The following LRRC28 variants were observed in gnomAD, a reference collection of about 807,000 sequenced individuals.
The protein encoded by LRRC28 is leucine rich repeat containing 28.
In LRRC28, 39 loss-of-function variants were observed where a neutral mutation model predicts 45.7. That is an observed-to-expected ratio of 0.85 (90% CI 0.66 to 1.12). LRRC28 has a LOEUF of 1.12. Ranked by LOEUF, LRRC28 falls within the 50% of genes most tolerant of loss-of-function variation. LRRC28 has a pLI of 0.00. For synonymous variants in LRRC28, 206 were observed against 178.8 expected, an observed-to-expected ratio of 1.15 and a Z score of -1.22; for missense variants, 435 against 438.5, an observed-to-expected ratio of 0.99 and a Z score of 0.07.
chr15:99,323,268 T>G (rs1350736071), intron 5 of LRRC28, among the ~76,000 whole-genome samples: 3 of 152,220 alleles, frequency 2.0e-5, no homozygotes, highest in African/African-American at 7.2e-5. Context: ...GTGACCAGTC[T>G]GGGTTTAAAA....
chr15:99,314,369 T>C (rs533533041), intron 5 of LRRC28, among the ~76,000 whole-genome samples: 1 of 152,092 alleles, frequency 6.6e-6, no homozygotes, highest in Admixed American at 6.6e-5. Context: ...GCTTGGGAGG[T>C]TAAGGCTGCA....
chr15:99,321,103 A>G (rs1437126871), intron 5 of LRRC28, among the ~76,000 whole-genome samples: 2 of 152,154 alleles, frequency 1.3e-5, no homozygotes, highest in African/African-American at 2.4e-5. Flanking sequence ...TCTTCTCAAT[A>G]TAATTGATGG....
chr15:99,327,294 C>CA (rs1402249304), intron 5 of LRRC28, among the ~76,000 whole-genome samples: 1 of 152,066 alleles, frequency 6.6e-6, no homozygotes, highest in Non-Finnish European at 1.5e-5. Context: ...AGGCTGGTCT[C>CA]AATCACCTGA....
chr15:99,279,720 C>G (rs1567619853), intron 3 of LRRC28, among the ~76,000 whole-genome samples: 1 of 152,082 alleles, frequency 6.6e-6, no homozygotes, highest in Non-Finnish European at 1.5e-5. Context: ...TCATTTTTTT[C>G]TTGGATAAAT....
chr15:99,279,599 A>G (rs1035402063), intron 3 of LRRC28, among the ~76,000 whole-genome samples: 1 of 152,162 alleles, frequency 6.6e-6, no homozygotes, highest in Non-Finnish European at 1.5e-5. Context: ...TTTCTCTTTG[A>G]TTGTGAACTG....
chr15:99,252,674 A>C (rs1347263892), intron 1 of LRRC28, among the ~76,000 whole-genome samples: 1 of 152,264 alleles, frequency 6.6e-6, no homozygotes, highest in East Asian at 1.9e-4. Flanking sequence ...TAGCAAGCTT[A>C]TAGGCTCTAT....
intron 5 of LRRC28, among the ~76,000 whole-genome samples, chr15:99,332,771 G>A (rs1376951457): frequency 1.3e-5 from 2 of 152,122 alleles, no homozygotes; most frequent in East Asian, 3.8e-4. Context: ...CATCCAAGAC[G>A]GCAGAAGACT....
chr15:99,322,806 A>G (rs1487665636), intron 5 of LRRC28, among the ~76,000 whole-genome samples: 2 of 152,168 alleles, frequency 1.3e-5, no homozygotes, highest in Non-Finnish European at 2.9e-5. Flanking sequence ...TGGGCAAGAC[A>G]ATCCCTGCCC....
At chr15:99,256,409 G>A (rs1184199101) in intron 2 of LRRC28, 1 of 213,154 alleles carries the variant, frequency 4.7e-6, no homozygotes, top group African/African-American at 2.3e-5. Context: ...CGTTTAGCAT[G>A]TGCTTCTGTC....
chr15:99,335,672 A>T (rs774444141), intron 6 of LRRC28, among the ~76,000 whole-genome samples: 12 of 151,852 alleles, frequency 7.9e-5, no homozygotes, highest in Non-Finnish European at 1.6e-4. Flanking sequence ...TGTCTCTAAA[A>T]ATTTTTTTTT....
intron 5 of LRRC28, among the ~76,000 whole-genome samples, chr15:99,300,117 G>GTTT (rs71149460): frequency 1.3e-5 from 2 of 149,676 alleles, no homozygotes; most frequent in South Asian, 2.1e-4. Context: ...GTGACTTAGT[G>GTTT]TTTTTTTTTC....
At chr15:99,270,042 A>G (rs1325679215) in intron 2 of LRRC28, among the ~76,000 whole-genome samples, 5 of 152,212 alleles carry the variant, frequency 3.3e-5, no homozygotes, top group African/African-American at 1.2e-4. Context: ...AATGGAGGGA[A>G]ATACTGGAGA....
intron 6 of LRRC28, among the ~76,000 whole-genome samples, chr15:99,344,331 A>G (rs1956614605): frequency 6.6e-6 from 1 of 152,042 alleles, no homozygotes; most frequent in Non-Finnish European, 1.5e-5. Flanking sequence ...AGGAAGCAGG[A>G]TTCAGACTCA....
At chr15:99,286,165 C>G (rs747916815) in intron 3 of LRRC28, among the ~76,000 whole-genome samples, 8 of 152,240 alleles carry the variant, frequency 5.3e-5, no homozygotes, top group Non-Finnish European at 1.2e-4. Flanking sequence ...GAGTCTCACT[C>G]TGTTGCCCAG....
intron 5 of LRRC28, among the ~76,000 whole-genome samples, chr15:99,308,004 A>C (rs62023804): frequency 0.043 from 6,587 of 152,298 alleles, 198 homozygotes; most frequent in Non-Finnish European, 0.065. Context: ...CCGACAACAA[A>C]AACTGAGACG....
intron 5 of LRRC28, among the ~76,000 whole-genome samples, chr15:99,303,427 T>TA (rs1243614088): frequency 6.6e-6 from 1 of 152,188 alleles, no homozygotes; most frequent in Non-Finnish European, 1.5e-5. Context: ...CATACAGATA[T>TA]AAAAAATTTA....
chr15:99,353,330 A>G (rs974384446), intron 7 of LRRC28, among the ~76,000 whole-genome samples: 16 of 152,194 alleles, frequency 1.1e-4, no homozygotes, highest in African/African-American at 3.9e-4. Context: ...TGGCAAGAAA[A>G]GGGATGACAA....
At position 99,251,525 on chromosome 15, in the gene LRRC28, GC is replaced by G. The variant is rs927919153; in HGVS notation, c.-76del. The stretch of plus-strand genomic sequence containing the variant: ...GCGCCGCTTGCGCTCCGGAGCGCTG[GC>G]TCTGCTGGCGCTGAGGTGAGTAGAG... On this transcript the variant is annotated 5_prime_UTR_variant, in exon 1 of 10. Coordinates refer to ENST00000301981, the MANE Select transcript of LRRC28 (RefSeq NM_144598.5). 1.3e-5 allele frequency: 2 copies of G among 152,278 alleles called. No homozygotes were observed. The highest frequency in any genetic ancestry group is 2.4e-5 in the African/African-American group (1 of 41,448). The allele number at this position is 152,278 out of a possible 1,614,324, so 9.4% of individuals were successfully genotyped here. A position where few individuals can be genotyped will look rare whatever the true frequency, so the allele number is the denominator to read the frequency against.
rs577269068 is a variant in LRRC28 at position 99,387,279 on chromosome 15, C to T, written c.*1177C>T. The T allele has an allele frequency of 6.6e-6, 1 of 151,766 alleles. No homozygotes were observed. Among genetic ancestry groups the T allele is most frequent in the Non-Finnish European group, 1.5e-5 (1 of 67,954 alleles). 9.4% of individuals were successfully genotyped at this position (151,766 alleles called of 1,614,324 possible). A position where few individuals can be genotyped will look rare whatever the true frequency, so the allele number is the denominator to read the frequency against. On this transcript the variant is annotated 3_prime_UTR_variant, in exon 10 of 10. Coordinates refer to ENST00000301981, the MANE Select transcript of LRRC28 (RefSeq NM_144598.5). ...GTTTCACCGTGTTAGCCGGGATGGT[C>T]TCGATCTCCTGACCTCGTGATCCGC...
Sources: gnomAD v4.1 joint callset for allele counts (sites outside exome capture counted in the v4.1 genomes callset) on GRCh38, gnomAD v4.1.1 for gene constraint, MANE v1.5 for transcripts, NCBI Gene and HGNC (gene_info 2026-07-23, HGNC 2026-07-21) for gene names.